Variants in DNAJB6 observed in about 807,000 individuals in gnomAD.
DNAJB6 encodes the protein DnaJ heat shock protein family (Hsp40) member B6.
DNAJB6 carries 16 observed loss-of-function variants against 42.7 expected under a neutral mutation model. That is an observed-to-expected ratio of 0.37 (90% confidence interval 0.25 to 0.57). The LOEUF (loss-of-function observed/expected upper bound fraction) is 0.57, where lower values mean the gene tolerates loss of function less well. DNAJB6 is among the 20% of genes least tolerant of loss of function. The pLI, the probability that DNAJB6 is intolerant of heterozygous loss-of-function variation, is 0.74. For synonymous variants in DNAJB6, 170 were observed against 163.5 expected, an observed-to-expected ratio of 1.04 and a Z score of -0.30; for missense variants, 347 against 416.8, an observed-to-expected ratio of 0.83 and a Z score of 1.46.
At chr7:157,388,641 G>C (rs10225231) in intron 8 of DNAJB6, among the ~76,000 whole-genome samples, 65,927 of 150,044 alleles carry the variant, frequency 0.44, 14,780 homozygotes, top group African/African-American at 0.53. Flanking sequence ...TAGCTTTTGG[G>C]GGGGGGGTAA....
intron 9 of DNAJB6, 146 bp downstream of exon 9, chr7:157,410,147 C>A: frequency 7.1e-7 from 1 of 1,408,844 alleles, no homozygotes; most frequent in Non-Finnish European, 9.2e-7. Flanking sequence ...AGGAGGTAGC[C>A]TCGCTCTGCT....
In DNAJB6 at chr7:157,383,801, G is replaced by T. The variant is rs115976701; in HGVS notation, c.479-1066G>T. On this transcript the variant is annotated intron_variant, in intron 6 of 9. Transcript: ENST00000262177. Reference sequence around the variant, plus strand: ...CTACTCCTAACGGAGATCAGCAGGAGTGTGAAATAGTCATTGGGTTTCAAA... The same window carrying T: ...CTACTCCTAACGGAGATCAGCAGGATTGTGAAATAGTCATTGGGTTTCAAA... Among the ~76,000 whole-genome samples, 505 of 152,318 alleles carry T rather than the reference G, an allele frequency of 3.3e-3. 3 individuals carry two copies. The highest frequency in any genetic ancestry group is 0.012 in the African/African-American group (482 of 41,562).
intron 1 of DNAJB6, among the ~76,000 whole-genome samples, chr7:157,342,004 T>G (rs1798413916): frequency 6.6e-6 from 1 of 152,046 alleles, no homozygotes; most frequent in Non-Finnish European, 1.5e-5. Context: ...GTAGCTGAGA[T>G]TACAGGCGTT....
intron 9 of DNAJB6, chr7:157,415,560 C>T (rs1346962026): frequency 1.1e-5 from 2 of 183,002 alleles, no homozygotes; most frequent in African/African-American, 2.4e-5. Flanking sequence ...GCCCAGTGTG[C>T]GTTCTGAAGG....
intron 1 of DNAJB6, among the ~76,000 whole-genome samples, chr7:157,350,301 G>C (rs1353204100): frequency 6.6e-6 from 1 of 152,182 alleles, no homozygotes; most frequent in Non-Finnish European, 1.5e-5. Context: ...GTGAAGAATT[G>C]TAAGGGTATA....
rs1799863061 is a variant in DNAJB6, at chr7:157,366,691, A to C, written c.235+130A>C. 3.8e-6 allele frequency: 3 copies of C among 779,520 alleles called. No individual in the cohort carries two copies. The South Asian group carries it at 4.8e-5, about 12-fold the overall frequency. 48.3% of individuals were successfully genotyped at this position (779,520 alleles called of 1,614,324 possible). ...GAGATGCAACGTAGAAAGCGAACTA[A>C]ATTGGGGAGAGGACAGAGAAATTGA... On this transcript the variant is annotated intron_variant, in intron 4 of 9. Coordinates refer to ENST00000262177, the MANE Select transcript of DNAJB6 (RefSeq NM_058246.4).
chr7:157,348,714 T>TGGAAG (rs1190270832), intron 1 of DNAJB6, among the ~76,000 whole-genome samples: 1 of 152,190 alleles, frequency 6.6e-6, no homozygotes, highest in East Asian at 1.9e-4. Context: ...CTACTTACAG[T>TGGAAG]GGAAGAGTCC....
At chr7:157,382,133 GTT>G in intron 5 of DNAJB6, 111 bp from the exon 6 acceptor site, 1 of 1,224,954 alleles carries the variant, frequency 8.2e-7, no homozygotes, top group Non-Finnish European at 1.1e-6. Context: ...AACCTCTTAA[GTT>G]TTTTGTTCCT....
intron 9 of DNAJB6, chr7:157,413,466 A>G (rs1796030210): frequency 6.6e-6 from 1 of 152,148 alleles, no homozygotes. Context: ...TTTTTAATGA[A>G]ACTAATTTGT....
At chr7:157,391,306 A>G (rs1801330032) in intron 8 of DNAJB6, among the ~76,000 whole-genome samples, 1 of 152,264 alleles carries the variant, frequency 6.6e-6, no homozygotes, top group Non-Finnish European at 1.5e-5. Flanking sequence ...CTCTAAGCCA[A>G]GTAACCTCTT....
At chr7:157,412,629 G>A (rs1361784793) in intron 9 of DNAJB6, 1 of 152,240 alleles carries the variant, frequency 6.6e-6, no homozygotes, top group Non-Finnish European at 1.5e-5. Flanking sequence ...GTGCCTGGAA[G>A]ATCCCACTAT....
chr7:157,347,877 C>A (rs1158029279), intron 1 of DNAJB6, among the ~76,000 whole-genome samples: 1 of 152,186 alleles, frequency 6.6e-6, no homozygotes, highest in African/African-American at 2.4e-5. Flanking sequence ...TTTACTCCAA[C>A]CTCTGCCTCC....
At chr7:157,395,159 C>T (rs1332596316) in intron 8 of DNAJB6, among the ~76,000 whole-genome samples, 3 of 152,176 alleles carry the variant, frequency 2.0e-5, no homozygotes, top group Non-Finnish European at 4.4e-5. Flanking sequence ...TCTTCCCCAT[C>T]CGGTATTACC....
intron 8 of DNAJB6, among the ~76,000 whole-genome samples, chr7:157,399,755 G>A (rs2240989): frequency 0.021 from 3,206 of 152,138 alleles, 144 homozygotes; most frequent in East Asian, 0.19. Context: ...TGCAACGTCC[G>A]CCTCCTGGGT....
chr7:157,338,838 G>A (rs918138827), intron 1 of DNAJB6, among the ~76,000 whole-genome samples: 4 of 152,178 alleles, frequency 2.6e-5, no homozygotes, highest in African/African-American at 7.2e-5. Context: ...GACAGGAAGT[G>A]GGAGAACAAA....
At chr7:157,342,950 G>GTT (rs11352517) in intron 1 of DNAJB6, among the ~76,000 whole-genome samples, 1 of 148,282 alleles carries the variant, frequency 6.7e-6, no homozygotes, top group African/African-American at 2.5e-5. Context: ...ACTGCTGTGG[G>GTT]TTTTTTTTTT....
Position 157,399,532 on chromosome 7 carries a change from C to T in DNAJB6, c.692-10263C>T, listed in dbSNP as rs117563588. ...CTGGGATGGCGGCACAGGTTTGCGG[C>T]CTAGCAGCAGTCGGCCGGGCCCTGC... On this transcript the variant is annotated intron_variant, in intron 8 of 9. Coordinates refer to ENST00000262177, the MANE Select transcript of DNAJB6 (RefSeq NM_058246.4). Among the ~76,000 whole-genome samples the T allele has an allele frequency of 2.3e-3, 352 of 152,338 alleles. 9 individuals carry two copies. The East Asian group carries it at 0.052, about 22-fold the overall frequency.
intron 3 of DNAJB6, 123 bp from the exon 4 acceptor site, chr7:157,366,379 C>T: frequency 1.2e-6 from 1 of 806,142 alleles, no homozygotes; most frequent in Non-Finnish European, 2.0e-6. Flanking sequence ...AAAAGGTGGC[C>T]ATACTCCTTG....
intron 8 of DNAJB6, among the ~76,000 whole-genome samples, chr7:157,391,461 A>T (rs1392479005): frequency 6.6e-6 from 1 of 152,194 alleles, no homozygotes; most frequent in East Asian, 1.9e-4. Context: ...TGCACAGATG[A>T]ATTGGCACTG....
Sources: gnomAD v4.1 joint callset for allele counts (sites outside exome capture counted in the v4.1 genomes callset) on GRCh38, gnomAD v4.1.1 for gene constraint, MANE v1.5 for transcripts, NCBI Gene and HGNC (gene_info 2026-07-23, HGNC 2026-07-21) for gene names.